The following LIMS1 variants were observed in gnomAD, a reference collection of about 807,000 sequenced individuals.
The protein encoded by LIMS1 is LIM zinc finger domain containing 1.
LIMS1 carries 18 observed loss-of-function variants against 44.1 expected under a neutral mutation model. The observed-to-expected ratio is 0.41, with a 90% confidence interval of 0.28 to 0.61. The LOEUF is 0.61. LIMS1 is among the 20% of genes least tolerant of loss of function. The pLI is 0.32. For missense variants in LIMS1, 201 were observed against 422.0 expected, an observed-to-expected ratio of 0.48 and a Z score of 4.59; for synonymous variants, 93 against 149.1, an observed-to-expected ratio of 0.62 and a Z score of 2.74.
At chr2:108,652,465 A>G (rs138074419) in intron 1 of LIMS1, among the ~76,000 whole-genome samples, 4,251 of 152,200 alleles carry the variant, frequency 0.028, 45 homozygotes, top group South Asian at 0.13. Context: ...ATTTGGTAAC[A>G]TTCTTTAAAT....
chr2:108,541,455 C>T (rs1253695966), intron 1 of LIMS1, among the ~76,000 whole-genome samples: 1 of 152,184 alleles, frequency 6.6e-6, no homozygotes, highest in Non-Finnish European at 1.5e-5. Flanking sequence ...TTTTTCTGTG[C>T]AGGTACAGTG....
At chr2:108,593,195 A>G (rs913436861) in intron 1 of LIMS1, among the ~76,000 whole-genome samples, 6 of 152,230 alleles carry the variant, frequency 3.9e-5, no homozygotes, top group African/African-American at 1.4e-4. Context: ...AGGGTTTGAA[A>G]GCAACTAAAT....
chr2:108,577,998 C>G (rs1195304520), intron 1 of LIMS1, among the ~76,000 whole-genome samples: 1 of 152,204 alleles, frequency 6.6e-6, no homozygotes, highest in Admixed American at 6.5e-5. Context: ...CAACCTTCAC[C>G]TCCCAGGTTC....
chr2:108,608,125 C>A (rs918684529), intron 1 of LIMS1, among the ~76,000 whole-genome samples: 6 of 152,190 alleles, frequency 3.9e-5, no homozygotes, highest in Non-Finnish European at 8.8e-5. Flanking sequence ...CACATTCCCT[C>A]CTCCTGTTTT....
chr2:108,618,564 C>A (rs189862951), intron 1 of LIMS1, among the ~76,000 whole-genome samples: 1 of 152,124 alleles, frequency 6.6e-6, no homozygotes, highest in Non-Finnish European at 1.5e-5. Context: ...CGGTGGCTCA[C>A]GCCTGTAATC....
intron 1 of LIMS1, among the ~76,000 whole-genome samples, chr2:108,552,018 C>A (rs896332739): frequency 7.1e-6 from 1 of 141,842 alleles, no homozygotes; most frequent in East Asian, 2.0e-4. Context: ...TCAATCTGAA[C>A]GTCCAGGATT....
At chr2:108,564,281 A>ACTCTTGCACACTTTAGACATAATG (rs1225117788) in intron 1 of LIMS1, among the ~76,000 whole-genome samples, 1 of 152,086 alleles carries the variant, frequency 6.6e-6, no homozygotes, top group Non-Finnish European at 1.5e-5. Flanking sequence ...TAGACATAAT[A>ACTCTTGCACACTTTAGACATAATG]CTCTTGCACA....
chr2:108,566,900 C>T (rs1467908448), intron 1 of LIMS1, among the ~76,000 whole-genome samples: 2 of 152,052 alleles, frequency 1.3e-5, no homozygotes, highest in Non-Finnish European at 2.9e-5. Flanking sequence ...CCTGGCCCAT[C>T]GTAACACTTT....
chr2:108,605,331 T>C (rs774875242), intron 1 of LIMS1, among the ~76,000 whole-genome samples: 11 of 152,226 alleles, frequency 7.2e-5, no homozygotes, highest in Admixed American at 3.3e-4. Context: ...CTCGGTTCTT[T>C]GTTAATCCTG....
At chr2:108,538,630 A>G (rs1338290650) in intron 1 of LIMS1, among the ~76,000 whole-genome samples, 2 of 152,218 alleles carry the variant, frequency 1.3e-5, no homozygotes, top group African/African-American at 4.8e-5. Flanking sequence ...ATGTTTACAC[A>G]TACTTTCCCT....
At chr2:108,603,885 T>G (rs1687141597) in intron 1 of LIMS1, among the ~76,000 whole-genome samples, 2 of 152,212 alleles carry the variant, frequency 1.3e-5, no homozygotes, top group Admixed American at 1.3e-4. Context: ...TTGGATTTGG[T>G]TTGCTCTTGC....
Position 108,534,461 on chromosome 2 carries a change from G to C in LIMS1, c.-102G>C, listed in dbSNP as rs943801353. On this transcript the variant is annotated 5_prime_UTR_variant, in exon 1 of 10. Transcript: ENST00000544547. ...CTGGCCTTCCTCCCCTTCCTGCTCC[G>C]GGCCCGCCAGTAGCCGGCCGCGGCG... 5.2e-6 allele frequency: 5 copies of C among 964,270 alleles called. No homozygotes were observed. Among genetic ancestry groups the C allele is most frequent in the Non-Finnish European group, 6.5e-6 (5 of 765,524 alleles). The allele number at this position is 964,270 out of a possible 1,614,324, so 59.7% of individuals were successfully genotyped here.
At position 108,549,571 on chromosome 2, in the gene LIMS1, G is replaced by A. The variant is rs1387549049; in HGVS notation, c.32+14977G>A. ...TGCAGGAACAAGTTATTTGATATGG[G>A]AAGAGGTTATATTTTAGATAAATGA... On this transcript the variant is annotated intron_variant, in intron 1 of 9. Transcript: ENST00000544547. Among the ~76,000 whole-genome samples the A allele has an allele frequency of 2.6e-5, 4 of 152,120 alleles. No individual in the cohort carries two copies. The East Asian group carries it at 7.7e-4, about 29-fold the overall frequency.
chr2:108,643,800 G>T (rs1479688651), intron 1 of LIMS1, among the ~76,000 whole-genome samples: 1 of 152,202 alleles, frequency 6.6e-6, no homozygotes, highest in Non-Finnish European at 1.5e-5. Context: ...AGCAGACTGA[G>T]CTCGACCTGG....
intron 1 of LIMS1, among the ~76,000 whole-genome samples, chr2:108,539,779 A>G (rs1438777650): frequency 3.3e-5 from 5 of 152,174 alleles, no homozygotes; most frequent in East Asian, 1.9e-4. Flanking sequence ...TAGATGCTCA[A>G]TGAAGTCATC....
At chr2:108,684,355 A>T (rs1341556458) in exon 10 of LIMS1, 1 of 152,876 alleles carries the variant, frequency 6.5e-6, no homozygotes, top group African/African-American at 2.4e-5. Context: ...AACAGTATAA[A>T]CATTAATTTA....
intron 1 of LIMS1, among the ~76,000 whole-genome samples, chr2:108,637,324 G>A (rs941071383): frequency 3.5e-4 from 54 of 152,172 alleles, no homozygotes; most frequent in African/African-American, 1.3e-3. Flanking sequence ...TTTTTATTCT[G>A]TTCTATTCTG....
At chr2:108,609,272 G>A (rs113297316) in intron 1 of LIMS1, among the ~76,000 whole-genome samples, 26 of 152,198 alleles carry the variant, frequency 1.7e-4, no homozygotes, top group African/African-American at 5.1e-4. Flanking sequence ...AAGCATAAAG[G>A]CTTCTCCTCT....
chr2:108,616,466 C>T (rs920822213), intron 1 of LIMS1, among the ~76,000 whole-genome samples: 2 of 152,180 alleles, frequency 1.3e-5, no homozygotes, highest in Admixed American at 6.5e-5. Flanking sequence ...TCACCTCGGC[C>T]TCCCACATTG....
Sources: gnomAD v4.1 joint callset for allele counts (sites outside exome capture counted in the v4.1 genomes callset) on GRCh38, gnomAD v4.1.1 for gene constraint, MANE v1.5 for transcripts, NCBI Gene and HGNC (gene_info 2026-07-23, HGNC 2026-07-21) for gene names.